FARS2: variants seen among roughly 807,000 people sequenced by gnomAD.
FARS2 encodes the protein phenylalanyl-tRNA synthetase 2, mitochondrial.
Under a neutral mutation model 46.4 loss-of-function variants are expected in FARS2, and 40 were observed. That is an observed-to-expected ratio of 0.86 (90% CI 0.67 to 1.12). The LOEUF (loss-of-function observed/expected upper bound fraction) is 1.12. FARS2 is among the 50% of genes most tolerant of loss of function. The pLI, the probability that FARS2 is intolerant of heterozygous loss-of-function variation, is 0.00. For missense variants in FARS2, 513 were observed against 567.9 expected (o/e 0.90, Z 0.98); for synonymous variants, 234 against 214.9 (o/e 1.09, Z -0.78).
At chr6:5,644,630 G>A (rs188998122) in intron 6 of FARS2, among the ~76,000 whole-genome samples, 1 of 152,232 alleles carries the variant, frequency 6.6e-6, no homozygotes, top group South Asian at 2.1e-4. Context: ...CAAAGTGCTG[G>A]ATTACAGGCG....
chr6:5,400,627 A>ATG (rs143424234), intron 2 of FARS2, among the ~76,000 whole-genome samples: 45,394 of 150,352 alleles, frequency 0.3, 8,022 homozygotes, highest in African/African-American at 0.48. Context: ...ATATGTGTGT[A>ATG]TGTGTGTGTG....
chr6:5,528,711 C>T lies in FARS2; in HGVS notation c.905-16469C>T, dbSNP rs562306765. Among the ~76,000 whole-genome samples, 7 of 152,246 alleles carry T rather than the reference C, an allele frequency of 4.6e-5. No homozygotes were observed. In the South Asian group the frequency reaches 1.2e-3, roughly 27 times the overall value. On this transcript the variant is annotated intron_variant, in intron 4 of 6. Transcript: ENST00000274680. ...TCCTTTAAATCTAAGGGTGGTCAAG[C>T]AAACCAGTTTGGAGCAATGAAATGT...
At chr6:5,433,808 T>C (rs1763368050) in intron 4 of FARS2, among the ~76,000 whole-genome samples, 1 of 152,252 alleles carries the variant, frequency 6.6e-6, no homozygotes, top group African/African-American at 2.4e-5. Flanking sequence ...GATGATCAGC[T>C]TACACATCAG....
chr6:5,645,590 A>G (rs949364973), intron 6 of FARS2, among the ~76,000 whole-genome samples: 1 of 152,110 alleles, frequency 6.6e-6, no homozygotes, highest in Non-Finnish European at 1.5e-5. Context: ...CATCCTCTGA[A>G]ACTTCCTCTG....
At chr6:5,686,646 A>T (rs1757250465) in intron 6 of FARS2, among the ~76,000 whole-genome samples, 2 of 152,230 alleles carry the variant, frequency 1.3e-5, no homozygotes, top group African/African-American at 4.8e-5. Flanking sequence ...TATTGTGAAT[A>T]GTGCCACAAT....
chr6:5,327,324 A>G (rs1770463263), intron 1 of FARS2, among the ~76,000 whole-genome samples: 1 of 152,198 alleles, frequency 6.6e-6, no homozygotes, highest in Admixed American at 6.5e-5. Flanking sequence ...GAAAGGCTAT[A>G]CTATAGATTT....
chr6:5,715,153 A>T (rs1236303296), intron 6 of FARS2, among the ~76,000 whole-genome samples: 1 of 152,164 alleles, frequency 6.6e-6, no homozygotes, highest in Non-Finnish European at 1.5e-5. Flanking sequence ...CTCATGTTAC[A>T]TTTGAGGGAA....
intron 5 of FARS2, among the ~76,000 whole-genome samples, chr6:5,605,112 A>G (rs1582561647): frequency 6.6e-6 from 1 of 152,354 alleles, no homozygotes; most frequent in Middle Eastern, 3.4e-3. Context: ...TGACAGATCA[A>G]AATCTAAAAA....
intron 6 of FARS2, among the ~76,000 whole-genome samples, chr6:5,739,887 C>T (rs1203563899): frequency 3.3e-5 from 5 of 152,196 alleles, no homozygotes; most frequent in Non-Finnish European, 4.4e-5. Flanking sequence ...CCTGCCACCC[C>T]GCTAAACACA....
In FARS2 at chr6:5,559,459, C is replaced by T. The variant is rs187952369; in HGVS notation, c.1065+14119C>T. Among the ~76,000 whole-genome samples, 19 of 152,260 alleles carry T rather than the reference C, an allele frequency of 1.2e-4. No homozygotes were observed. The East Asian group carries it at 2.5e-3, about 20-fold the overall frequency. On this transcript the variant is annotated intron_variant, in intron 5 of 6. Transcript: ENST00000274680. ...ATTAGAAATGCAGTTGAAACACCTACGTCTCCCTGATTTCATTCTGCTTCC... is the reference window on the plus strand; with the variant it reads ...ATTAGAAATGCAGTTGAAACACCTATGTCTCCCTGATTTCATTCTGCTTCC...
chr6:5,763,091 G>A (rs1228667249), intron 6 of FARS2, among the ~76,000 whole-genome samples: 1 of 152,202 alleles, frequency 6.6e-6, no homozygotes, highest in East Asian at 1.9e-4. Context: ...CTGCACGATG[G>A]CTTTCTCAGT....
At chr6:5,548,087 CA>C (rs1771148453) in intron 5 of FARS2, among the ~76,000 whole-genome samples, 2 of 152,126 alleles carry the variant, frequency 1.3e-5, no homozygotes, top group Non-Finnish European at 2.9e-5. Flanking sequence ...GATGAAGAAG[CA>C]AAATCAGAAA....
chr6:5,656,058 T>C (rs984979667), intron 6 of FARS2, among the ~76,000 whole-genome samples: 7 of 152,352 alleles, frequency 4.6e-5, no homozygotes, highest in Middle Eastern at 3.4e-3. Flanking sequence ...GGTATCATCC[T>C]AGGGAACCAC....
At chr6:5,572,806 C>T (rs1247135271) in intron 5 of FARS2, among the ~76,000 whole-genome samples, 5 of 152,078 alleles carry the variant, frequency 3.3e-5, no homozygotes, top group Admixed American at 3.3e-4. Flanking sequence ...CCCAGTGATT[C>T]TTCTGTGCCT....
chr6:5,731,338 C>G (rs1760609897), intron 6 of FARS2, among the ~76,000 whole-genome samples: 1 of 152,024 alleles, frequency 6.6e-6, no homozygotes, highest in Admixed American at 6.6e-5. Context: ...GTTTTCAGCT[C>G]TCCTCTCTCT....
chr6:5,482,084 T>A (rs1000412781), intron 4 of FARS2, among the ~76,000 whole-genome samples: 1 of 152,038 alleles, frequency 6.6e-6, no homozygotes, highest in African/African-American at 2.4e-5. Flanking sequence ...CTCAGGTTTT[T>A]ATTGGATAAG....
chr6:5,768,688 G>A (rs777481379), intron 6 of FARS2, among the ~76,000 whole-genome samples: 47 of 152,240 alleles, frequency 3.1e-4, no homozygotes, highest in African/African-American at 9.9e-4. Context: ...GGCCTGAAGT[G>A]GTATCTCATG....
chr6:5,273,296 G>C (rs1171550492), intron 1 of FARS2, among the ~76,000 whole-genome samples: 1 of 152,160 alleles, frequency 6.6e-6, no homozygotes, highest in African/African-American at 2.4e-5. Context: ...ACAGTTTACA[G>C]GGGTTCCCCT....
chr6:5,753,735 A>T (rs1406072678), intron 6 of FARS2, among the ~76,000 whole-genome samples: 1 of 152,196 alleles, frequency 6.6e-6, no homozygotes, highest in East Asian at 1.9e-4. Context: ...ACCAAACAGG[A>T]TCATTCTTCT....
Sources: gnomAD v4.1 joint callset for allele counts (sites outside exome capture counted in the v4.1 genomes callset) on GRCh38, gnomAD v4.1.1 for gene constraint, MANE v1.5 for transcripts, NCBI Gene and HGNC (gene_info 2026-07-23, HGNC 2026-07-21) for gene names.